Variants in ZNF516 observed in about 807,000 individuals in gnomAD.
The protein encoded by ZNF516 is zinc finger protein 516.
ZNF516 carries 19 observed loss-of-function variants against 79.7 expected under a neutral mutation model. That is an observed-to-expected ratio of 0.24 (90% confidence interval 0.17 to 0.35). ZNF516 has a LOEUF of 0.35. Among genes scored for constraint, ZNF516 ranks in the 10% least tolerant of loss-of-function variants. ZNF516 has a pLI of 1.00. For synonymous variants in ZNF516, 877 were observed against 739.5 expected (o/e 1.19, Z -3.02); for missense variants, 1,678 against 1,679.5 (o/e 1.00, Z 0.02).
chr18:76,473,441 C>G (rs569037555), intron 1 of ZNF516, among the ~76,000 whole-genome samples: 1 of 142,970 alleles, frequency 7.0e-6, no homozygotes, highest in South Asian at 2.2e-4. Context: ...CAGAAAAGTA[C>G]AAACAAAAGC....
intron 3 of ZNF516, among the ~76,000 whole-genome samples, chr18:76,422,581 G>A (rs952111094): frequency 6.6e-6 from 1 of 152,152 alleles, no homozygotes; most frequent in Non-Finnish European, 1.5e-5. Flanking sequence ...AGAATTAAAA[G>A]ATACCCAGAA....
At chr18:76,413,825 C>T (rs2075400369) in intron 3 of ZNF516, among the ~76,000 whole-genome samples, 1 of 152,104 alleles carries the variant, frequency 6.6e-6, no homozygotes, top group South Asian at 2.1e-4. Context: ...TTCACGAAAC[C>T]TCATGAACAA....
intron 3 of ZNF516, among the ~76,000 whole-genome samples, chr18:76,411,311 A>G (rs1287412343): frequency 6.6e-6 from 1 of 152,208 alleles, no homozygotes; most frequent in African/African-American, 2.4e-5. Flanking sequence ...CACCCCAGCT[A>G]CACACAGTGC....
chr18:76,371,911 C>A (rs2074714620), intron 4 of ZNF516, among the ~76,000 whole-genome samples: 1 of 152,240 alleles, frequency 6.6e-6, no homozygotes, highest in South Asian at 2.1e-4. Context: ...AGCAGCACAT[C>A]CAGCAAATCA....
intron 1 of ZNF516, among the ~76,000 whole-genome samples, chr18:76,466,851 G>A (rs1033482270): frequency 3.3e-5 from 5 of 152,230 alleles, no homozygotes; most frequent in African/African-American, 9.6e-5. Context: ...CCTCCACCAG[G>A]GTATCACCAG....
chr18:76,381,961 G>C (rs985073174), intron 3 of ZNF516, among the ~76,000 whole-genome samples: 1 of 152,104 alleles, frequency 6.6e-6, no homozygotes, highest in African/African-American at 2.4e-5. Context: ...GTGAAACCCC[G>C]TCTCTGCTAA....
chr18:76,422,602 A>G (rs553002101), intron 3 of ZNF516, among the ~76,000 whole-genome samples: 2 of 152,296 alleles, frequency 1.3e-5, no homozygotes, highest in African/African-American at 4.8e-5. Context: ...ACCACCACTT[A>G]AACAGAAAGG....
At chr18:76,380,876 G>T (rs915241510) in intron 3 of ZNF516, among the ~76,000 whole-genome samples, 1 of 152,158 alleles carries the variant, frequency 6.6e-6, no homozygotes, top group South Asian at 2.1e-4. Flanking sequence ...CCCTCCCTAC[G>T]CATCTCTCCT....
rs745372873 is a variant in ZNF516 at position 76,441,513 on chromosome 18, G to A, written c.1542C>T (p.Ser514=). Residue 514 remains serine, a synonymous_variant, in exon 3 of 7, where the codon TCC becomes TCT. Transcript: ENST00000443185. ...TCTTGCCGCACTCGAAGCACTCGGA[G>A]GACTTGCCCTGGCCGGTGGTGGCTG... ...RAAATTGQGK[S]SECFECGKIF... is the part of the protein sequence containing the mutation. The A allele has an allele frequency of 6.3e-7, 1 of 1,588,648 alleles. No homozygotes were observed. Among genetic ancestry groups the A allele is most frequent in the Non-Finnish European group, 8.6e-7 (1 of 1,169,472 alleles).
chr18:76,407,350 A>G (rs2075316602), intron 3 of ZNF516, among the ~76,000 whole-genome samples: 1 of 152,204 alleles, frequency 6.6e-6, no homozygotes, highest in Admixed American at 6.5e-5. Flanking sequence ...CCTTGAGCCC[A>G]GGAGATCAAG....
chr18:76,467,450 A>ATC lies in ZNF516; in HGVS notation c.-271-4311_-271-4310dup, dbSNP rs1290432746. On this transcript the variant is annotated intron_variant, in intron 1 of 6. Coordinates refer to ENST00000443185, the MANE Select transcript of ZNF516 (RefSeq NM_014643.4). This position sits in a 1 kb window ranked among gnomAD's most constrained non-coding sequence, Gnocchi z 4.2. ...ATTTGGGCAAACGCTCTGCCCTGAG[A>ATC]TCTCTCTCGCCCTAACTAGATATTA... Among the ~76,000 whole-genome samples, 1 of 152,142 alleles carries ATC rather than the reference A, an allele frequency of 6.6e-6. No individual in the cohort carries two copies. Among genetic ancestry groups the ATC allele is most frequent in the African/African-American group, 2.4e-5 (1 of 41,442 alleles).
At chr18:76,370,433 C>A (rs1599133925) in intron 6 of ZNF516, 95 bp downstream of exon 6, 1 of 1,254,382 alleles carries the variant, frequency 8.0e-7, no homozygotes, top group Non-Finnish European at 1.1e-6. Flanking sequence ...GTGAAAAAAA[C>A]AAAAAGAAGG....
At chr18:76,368,980 CCT>C (rs1402153043) in intron 6 of ZNF516, among the ~76,000 whole-genome samples, 2 of 152,182 alleles carry the variant, frequency 1.3e-5, no homozygotes, top group Non-Finnish European at 1.5e-5. Context: ...GCTTCCCGCC[CCT>C]GTCAAACATT....
chr18:76,438,289 G>C (rs1377380646), intron 3 of ZNF516, among the ~76,000 whole-genome samples: 1 of 152,246 alleles, frequency 6.6e-6, no homozygotes, highest in African/African-American at 2.4e-5. Flanking sequence ...CTGAAGGTTT[G>C]TATGTCTCCT....
intron 3 of ZNF516, among the ~76,000 whole-genome samples, chr18:76,428,459 G>A (rs1425427578): frequency 6.6e-6 from 1 of 151,674 alleles, no homozygotes; most frequent in Non-Finnish European, 1.5e-5. Flanking sequence ...CATGTTTACT[G>A]CAGCATGTTT....
intron 3 of ZNF516, among the ~76,000 whole-genome samples, chr18:76,390,900 A>G (rs1438803006): frequency 3.3e-5 from 5 of 152,178 alleles, no homozygotes; most frequent in Admixed American, 3.3e-4. Context: ...TGTAGATACG[A>G]AACCTGAGGC....
chr18:76,383,478 C>T (rs1002248545), intron 3 of ZNF516, among the ~76,000 whole-genome samples: 5 of 145,904 alleles, frequency 3.4e-5, no homozygotes, highest in African/African-American at 1.3e-4. Context: ...GGCACCTTCT[C>T]AGCCAGGGAC....
chr18:76,496,300 C>T (rs1330070337), upstream of ZNF516: 5 of 1,289,050 alleles, frequency 3.9e-6, no homozygotes, highest in East Asian at 5.6e-5. Context: ...TATTGTTCTC[C>T]TTCTCCTCGT....
chr18:76,484,770 A>G (rs1277152835), intron 1 of ZNF516, among the ~76,000 whole-genome samples: 2 of 152,206 alleles, frequency 1.3e-5, no homozygotes, highest in East Asian at 3.8e-4. Flanking sequence ...ATCAATACCT[A>G]TACTTTAAAA....
Sources: allele counts gnomAD v4.1 joint callset (sites outside exome capture counted in the v4.1 genomes callset), GRCh38; gene constraint gnomAD v4.1.1; non-coding constraint Gnocchi (gnomAD v3.1); transcripts MANE v1.5; gene names NCBI Gene and HGNC (gene_info 2026-07-23, HGNC 2026-07-21).